Variants in RILPL1 observed in about 807,000 individuals in gnomAD.
The protein encoded by RILPL1 is Rab interacting lysosomal protein like 1.
In RILPL1, 33 loss-of-function variants were observed where a neutral mutation model predicts 50.3. That is an observed-to-expected ratio of 0.66 (90% CI 0.50 to 0.88). RILPL1 has a LOEUF of 0.88. RILPL1 is among the 40% of genes least tolerant of loss of function. RILPL1 has a pLI of 0.00. For synonymous variants in RILPL1, 205 were observed against 228.6 expected (o/e 0.90, Z 0.93); for missense variants, 418 against 542.5 (o/e 0.77, Z 2.28).
At chr12:123,492,584 T>A (rs984771336) in intron 4 of RILPL1, among the ~76,000 whole-genome samples, 1 of 152,178 alleles carries the variant, frequency 6.6e-6, no homozygotes, top group Non-Finnish European at 1.5e-5. Context: ...TGTCTCCTGG[T>A]GATCACACTG....
chr12:123,513,160 CTGTG>C (rs758039718), intron 2 of RILPL1, among the ~76,000 whole-genome samples: 187 of 148,532 alleles, frequency 1.3e-3, no homozygotes, highest in Admixed American at 1.9e-3. Flanking sequence ...GGTGTGAGGT[CTGTG>C]TGTGTGGCGT....
chr12:123,518,780 C>T (rs551274305), intron 2 of RILPL1, among the ~76,000 whole-genome samples: 21 of 151,982 alleles, frequency 1.4e-4, no homozygotes, highest in African/African-American at 3.9e-4. Flanking sequence ...TTCATCTGGC[C>T]GGGCGCGGTG....
At chr12:123,523,744 G>C (rs906691719) in intron 1 of RILPL1, 99 bp from the exon 2 acceptor site, 5 of 1,388,336 alleles carry the variant, frequency 3.6e-6, no homozygotes, top group Non-Finnish European at 4.9e-6. Flanking sequence ...TGGGACTTTG[G>C]GCCATCCCCT....
chr12:123,533,332 C>A lies in RILPL1; in HGVS notation c.151G>T (p.Ala51Ser). The A allele has an allele frequency of 6.3e-7, 1 of 1,582,396 alleles. No homozygotes were observed. ...VIDQHGCEAIARLMPKVVRVL... is the reference protein window; with the variant it reads ...VIDQHGCEAISRLMPKVVRVL... ...CGCACGACCTTGGGCATGAGGCGCG[C>A]GATGGCCTCGCAGCCGTGCTGGTCA... Residue 51 changes from alanine (A) to serine (S), a missense_variant, in exon 1 of 7, where the codon GCG becomes TCG. By Grantham distance (99) the Ala-to-Ser change is moderately conservative. Coordinates refer to ENST00000376874, the MANE Select transcript of RILPL1 (RefSeq NM_178314.5). The surrounding 1 kb of genome is among the most constrained non-coding windows in gnomAD (Gnocchi z 6.2).
chr12:123,521,629 ACACAC>A (rs1566144285), intron 2 of RILPL1, among the ~76,000 whole-genome samples: 8 of 7,000 alleles, frequency 1.1e-3, no homozygotes, highest in South Asian at 0.019. Flanking sequence ...GTATATATAT[ACACAC>A]ATATGTGTAT....
In RILPL1 at chr12:123,511,400, CTG is replaced by C. The variant is rs547907228; in HGVS notation, c.461-11866_461-11865del. On this transcript the variant is annotated intron_variant, in intron 2 of 6. Transcript: ENST00000376874. The stretch of plus-strand genomic sequence containing the variant: ...GGTCTGTGTGTGTGGTGTGTGAGGT[CTG>C]TGTGTGTGAGGTCTGTGTGTGAGGT... Among the ~76,000 whole-genome samples the C allele has an allele frequency of 6.0e-5, 4 of 66,170 alleles. No homozygotes were observed. The East Asian group carries it at 1.3e-3, about 22-fold the overall frequency. The allele number at this position is 66,170 out of a possible 152,430, so 43.4% of individuals were successfully genotyped here.
At chr12:123,481,919 C>A (rs79746061) in intron 6 of RILPL1, among the ~76,000 whole-genome samples, 1 of 151,514 alleles carries the variant, frequency 6.6e-6, no homozygotes, top group Non-Finnish European at 1.5e-5. Flanking sequence ...CGCTCAGAGG[C>A]TGGAGTACAA....
In RILPL1 at chr12:123,498,771, G is replaced by A; in HGVS notation, c.580-6C>T. On this transcript the variant is annotated splice_polypyrimidine_tract_variant and splice_region_variant and intron_variant, in intron 3 of 6. Transcript: ENST00000376874. This position sits in a 1 kb window ranked among gnomAD's most constrained non-coding sequence, Gnocchi z 4.3. ...CGTGTCTGCTGCTGCTGTAACTGTAGAAAAAGGGAGACCATTGTGCGGGGC... is the reference window on the plus strand; with the variant it reads ...CGTGTCTGCTGCTGCTGTAACTGTAAAAAAAGGGAGACCATTGTGCGGGGC... 1 of 1,611,274 alleles carries A rather than the reference G, an allele frequency of 6.2e-7. No homozygotes were observed. The highest frequency in any genetic ancestry group is 8.5e-7 in the Non-Finnish European group (1 of 1,179,810).
Position 123,533,376 on chromosome 12 carries a change from T to C in RILPL1, c.107A>G (p.His36Arg). ...CTGGTCAATGACCCGCTCGAACTCG[T>C]GGCCCACAAGCGACGCGATGTCGTA... ...DVYDIASLVG[H>R]EFERVIDQHG... Residue 36 changes from histidine to arginine, a missense_variant, in exon 1 of 7, where the codon CAC (histidine) becomes CGC (arginine). By Grantham distance (29) the His-to-Arg change is conservative. Transcript: ENST00000376874. This position sits in a 1 kb window ranked among gnomAD's most constrained non-coding sequence, Gnocchi z 6.2. 6.4e-7 allele frequency: 1 copy of C among 1,567,910 alleles called. No homozygotes were observed. Among genetic ancestry groups the C allele is most frequent in the South Asian group, 1.2e-5 (1 of 85,550 alleles).
In RILPL1 at chr12:123,471,335, G is replaced by C. The variant is rs530026349; in HGVS notation, c.*1203C>G. ...GACCCACCTGCCTCGGCCTCCCAAA[G>C]TGCTGGGATAGCAGGCGTGAGCCAC... On this transcript the variant is annotated 3_prime_UTR_variant, in exon 7 of 7. Transcript: ENST00000376874. 2 of 152,360 alleles carry C rather than the reference G, an allele frequency of 1.3e-5. No individual in the cohort carries two copies. Among genetic ancestry groups the C allele is most frequent in the African/African-American group, 4.8e-5 (2 of 41,544 alleles). 9.4% of individuals were successfully genotyped at this position (152,360 alleles called of 1,614,324 possible).
intron 2 of RILPL1, among the ~76,000 whole-genome samples, chr12:123,511,082 CTGTG>C (rs1374042247): frequency 1.5e-5 from 1 of 68,830 alleles, no homozygotes; most frequent in Non-Finnish European, 2.7e-5. Context: ...TGTGTGAGGT[CTGTG>C]TGTGGTGTGT....
chr12:123,500,062 G>C (rs1883275426), intron 2 of RILPL1, among the ~76,000 whole-genome samples: 1 of 151,720 alleles, frequency 6.6e-6, no homozygotes, highest in African/African-American at 2.4e-5. Flanking sequence ...CTCCTGAGTA[G>C]CTGGGACTAC....
chr12:123,500,438 C>A (rs1056706080), intron 2 of RILPL1, among the ~76,000 whole-genome samples: 1 of 151,878 alleles, frequency 6.6e-6, no homozygotes, highest in Non-Finnish European at 1.5e-5. Context: ...ACATGTGCTA[C>A]CTCGCCTGGC....
At chr12:123,510,778 T>C (rs1357481180) in intron 2 of RILPL1, among the ~76,000 whole-genome samples, 6 of 97,544 alleles carry the variant, frequency 6.2e-5, no homozygotes, top group African/African-American at 2.3e-4. Flanking sequence ...GGTCTGTGTG[T>C]GTGTGGTATA....
Position 123,489,403 on chromosome 12 carries a change from G to A in RILPL1, c.802-3598C>T, listed in dbSNP as rs1401263482. The stretch of plus-strand genomic sequence containing the variant: ...TGGGCGGCCAGGCACAGTGGCTCAC[G>A]CCTGTAATCTCAGCACTTTGGGAAG... On this transcript the variant is annotated intron_variant, in intron 4 of 6. Coordinates refer to ENST00000376874, the MANE Select transcript of RILPL1 (RefSeq NM_178314.5). This position sits in a 1 kb window ranked among gnomAD's most constrained non-coding sequence, Gnocchi z 4.0. Among the ~76,000 whole-genome samples, 3 of 152,010 alleles carry A rather than the reference G, an allele frequency of 2.0e-5. No individual in the cohort carries two copies. The highest frequency in any genetic ancestry group is 2.9e-5 in the Non-Finnish European group (2 of 68,000).
chr12:123,510,938 A>G (rs1462846199), intron 2 of RILPL1, among the ~76,000 whole-genome samples: 141 of 43,648 alleles, frequency 3.2e-3, no homozygotes, highest in South Asian at 3.2e-3. Context: ...TGGTGTGTGT[A>G]AGGTTTGTGT....
chr12:123,513,290 G>T, intron 2 of RILPL1: 1 of 310,908 alleles, frequency 3.2e-6, no homozygotes. Flanking sequence ...AACTCCTCCC[G>T]ACCCCCCGCC....
chr12:123,516,033 CAAAAA>C (rs749657516), intron 2 of RILPL1, among the ~76,000 whole-genome samples: 1,861 of 36,098 alleles, frequency 0.052, 32 homozygotes, highest in Admixed American at 0.12. Flanking sequence ...GACTCTGTCT[CAAAAA>C]AAAAAAAAAA....
At chr12:123,521,734 TATATATATAAAAATATATATATACACAC>T (rs1885067683) in intron 2 of RILPL1, among the ~76,000 whole-genome samples, 1 of 140,188 alleles carries the variant, frequency 7.1e-6, no homozygotes. Flanking sequence ...CACATATATG[TATATATATAAAAATATATATATACACAC>T]ATATATGTGT....
Sources: allele counts gnomAD v4.1 joint callset (sites outside exome capture counted in the v4.1 genomes callset), GRCh38; gene constraint gnomAD v4.1.1; non-coding constraint Gnocchi (gnomAD v3.1); transcripts MANE v1.5; gene names NCBI Gene and HGNC (gene_info 2026-07-23, HGNC 2026-07-21).